CIT: variants seen among roughly 807,000 people sequenced by gnomAD.
The protein encoded by CIT is citron Rho-interacting kinase.
In CIT, 79 loss-of-function variants were observed where a neutral mutation model predicts 272.7. That is an observed-to-expected ratio of 0.29 (90% CI 0.24 to 0.35). The LOEUF is 0.35. CIT is among the 10% of genes least tolerant of loss of function. CIT has a pLI of 1.00. For synonymous variants in CIT, 948 were observed against 995.6 expected (o/e 0.95, Z 0.90); for missense variants, 1,909 against 2,618.3 (o/e 0.73, Z 5.91).
intron 22 of CIT, among the ~76,000 whole-genome samples, chr12:119,753,111 G>A (rs964809019): frequency 6.6e-6 from 1 of 151,748 alleles, no homozygotes; most frequent in Non-Finnish European, 1.5e-5. Flanking sequence ...CACATCTATT[G>A]ACCTGACAAA....
rs765923722 is a variant in CIT at position 119,850,254 on chromosome 12, G to A, written c.436C>T (p.Arg146Trp). 1.4e-5 allele frequency: 22 copies of A among 1,611,970 alleles called. No homozygotes were observed. The highest frequency in any genetic ancestry group is 2.2e-5 in the East Asian group (1 of 44,840). ...QEQVSFFEEE[R>W]NILSRSTSPW... ...CTTGTGCTTCGAGATAATATGTTCCGCTCTTCCTCAAAAAATGAAACCTAG... is the reference window on the plus strand; with the variant it reads ...CTTGTGCTTCGAGATAATATGTTCCACTCTTCCTCAAAAAATGAAACCTAG... The change falls in exon 5 of 48, where the codon CGG becomes TGG. Residue 146 changes from arginine (R) to tryptophan (W), a missense_variant. Physicochemically the swap from Arg to Trp is moderately radical, Grantham distance 101 (BLOSUM62 -3). Around this residue, in one of 8 missense-constraint regions of CIT, gnomAD observed 529 missense variants for 549.6 expected, o/e 0.96. Coordinates refer to ENST00000392521, the MANE Select transcript of CIT (RefSeq NM_001206999.2).
At position 119,718,983 on chromosome 12, in the gene CIT, T is replaced by C; in HGVS notation, c.3841-122A>G. On this transcript the variant is annotated intron_variant, in intron 30 of 47. Coordinates refer to ENST00000392521, the MANE Select transcript of CIT (RefSeq NM_001206999.2). The surrounding 1 kb of genome is among the most constrained non-coding windows in gnomAD (Gnocchi z 4.8). ...CAGGAGCATACTCACTGTAAGTGTA[T>C]TTAGTAAAAATGGCATGTGAAGGGG... The C allele has an allele frequency of 1.0e-6, 1 of 971,174 alleles. No individual in the cohort carries two copies. Among genetic ancestry groups the C allele is most frequent in the Non-Finnish European group, 1.5e-6 (1 of 654,158 alleles). The allele number at this position is 971,174 out of a possible 1,614,324, so 60.2% of individuals were successfully genotyped here.
chr12:119,797,612 ACT>A (rs1207849513), intron 10 of CIT, among the ~76,000 whole-genome samples: 2 of 152,054 alleles, frequency 1.3e-5, no homozygotes, highest in Admixed American at 6.6e-5. Flanking sequence ...AGCAGAGACG[ACT>A]CTGTTATTGC....
intron 5 of CIT, among the ~76,000 whole-genome samples, chr12:119,840,649 G>A (rs955917532): frequency 1.3e-5 from 2 of 152,180 alleles, no homozygotes; most frequent in Admixed American, 1.3e-4. Context: ...GACCAAACAA[G>A]GAATGGTAAT....
chr12:119,809,575 C>T (rs1966783676), intron 9 of CIT, among the ~76,000 whole-genome samples: 1 of 152,184 alleles, frequency 6.6e-6, no homozygotes, highest in Admixed American at 6.5e-5. Flanking sequence ...CTCTCTCTCT[C>T]TGACCTCCTC....
chr12:119,708,498 A>G (rs1209754156), intron 39 of CIT, among the ~76,000 whole-genome samples, 180 bp from the exon 40 acceptor site: 1 of 151,446 alleles, frequency 6.6e-6, no homozygotes, highest in South Asian at 2.1e-4. Context: ...TTTTTTTTAA[A>G]TTTTTGAGAC....
intron 7 of CIT, among the ~76,000 whole-genome samples, chr12:119,831,273 T>G (rs1968609399): frequency 6.6e-6 from 1 of 152,216 alleles, no homozygotes; most frequent in Non-Finnish European, 1.5e-5. Flanking sequence ...TTGTACATAA[T>G]TTTTAAAACA....
At chr12:119,835,299 C>T (rs149556190) in intron 5 of CIT, among the ~76,000 whole-genome samples, 207 of 152,300 alleles carry the variant, frequency 1.4e-3, no homozygotes, top group Non-Finnish European at 2.2e-3. Flanking sequence ...AAGACTAATC[C>T]TCTTGCAGCA....
In CIT at chr12:119,742,462, T is replaced by C; in HGVS notation, c.2907A>G (p.Ala969=). 6.2e-7 allele frequency: 1 copy of C among 1,610,050 alleles called. No individual in the cohort carries two copies. Among genetic ancestry groups the C allele is most frequent in the African/African-American group, 1.3e-5 (1 of 74,882 alleles). Reference sequence around the variant, plus strand: ...ATTTGCGCTGGATTTCATCTCTATGTGCCTAAAAGGTAAGAAGTTGATTAT... The same window carrying C: ...ATTTGCGCTGGATTTCATCTCTATGCGCCTAAAAGGTAAGAAGTTGATTAT... ...EAEEEIQALT[A]HRDEIQRKFD... The change falls in exon 24 of 48, where the codon GCA becomes GCG. Residue 969 remains alanine, a splice_region_variant and synonymous_variant. Coordinates refer to ENST00000392521, the MANE Select transcript of CIT (RefSeq NM_001206999.2).
At chr12:119,691,369 C>G (rs890755857) in intron 46 of CIT, among the ~76,000 whole-genome samples, 2 of 152,130 alleles carry the variant, frequency 1.3e-5, no homozygotes, top group African/African-American at 2.4e-5. Flanking sequence ...CTGTACTGAT[C>G]ACTGTTAACT....
intron 9 of CIT, among the ~76,000 whole-genome samples, chr12:119,807,279 T>A (rs376557936): frequency 1.3e-5 from 2 of 152,208 alleles, no homozygotes; most frequent in Admixed American, 1.3e-4. Flanking sequence ...AATATACATC[T>A]AATGGGGCAC....
intron 9 of CIT, among the ~76,000 whole-genome samples, chr12:119,805,054 T>C (rs1336757758): frequency 1.4e-5 from 2 of 146,538 alleles, no homozygotes; most frequent in East Asian, 4.1e-4. Flanking sequence ...TGGTTTCAAT[T>C]ATCCGGTACC....
chr12:119,780,926 C>G (rs886117220), intron 13 of CIT, among the ~76,000 whole-genome samples: 10 of 152,204 alleles, frequency 6.6e-5, no homozygotes, highest in African/African-American at 2.4e-4. Context: ...AAAGACGTGT[C>G]TTTGAACTCG....
At chr12:119,833,738 A>G (rs1286985114) in intron 6 of CIT, among the ~76,000 whole-genome samples, 2 of 151,898 alleles carry the variant, frequency 1.3e-5, no homozygotes, top group East Asian at 3.9e-4. Context: ...ATGGTCTTAC[A>G]CTACTATGTG....
rs1593465093 is a variant in CIT, at chr12:119,718,591, T to C, written c.4003+108A>G. 6.8e-7 allele frequency: 1 copy of C among 1,475,786 alleles called. No individual in the cohort carries two copies. Among genetic ancestry groups the C allele is most frequent in the East Asian group, 2.3e-5 (1 of 43,920 alleles). The allele number at this position is 1,475,786 out of a possible 1,614,324, so 91.4% of individuals were successfully genotyped here. On this transcript the variant is annotated intron_variant, in intron 31 of 47. Transcript: ENST00000392521. This position sits in a 1 kb window ranked among gnomAD's most constrained non-coding sequence, Gnocchi z 4.8. The stretch of plus-strand genomic sequence containing the variant: ...ATGGGATGTCTGGTCTGAAAGCGTA[T>C]GGGCCATAAACGAAGACACTGAGCT...
At chr12:119,765,379 T>C (rs1302866435) in intron 19 of CIT, among the ~76,000 whole-genome samples, 4 of 145,550 alleles carry the variant, frequency 2.7e-5, no homozygotes, top group Non-Finnish European at 6.0e-5. Flanking sequence ...ATATATAATA[T>C]AATATATATT....
intron 10 of CIT, among the ~76,000 whole-genome samples, chr12:119,794,892 C>G (rs1965608560): frequency 1.3e-5 from 2 of 152,302 alleles, no homozygotes; most frequent in South Asian, 4.1e-4. Flanking sequence ...GCAAACCTAT[C>G]AGATAGGCGA....
intron 10 of CIT, 107 bp from the exon 11 acceptor site, chr12:119,785,172 G>C: frequency 8.3e-7 from 1 of 1,210,254 alleles, no homozygotes; most frequent in Non-Finnish European, 1.2e-6. Context: ...TCATGCTCTT[G>C]ATGTTAGGTC....
intron 32 of CIT, among the ~76,000 whole-genome samples, chr12:119,715,964 G>C (rs1365213619): frequency 6.6e-6 from 1 of 152,182 alleles, no homozygotes; most frequent in Non-Finnish European, 1.5e-5. Flanking sequence ...GTGTGGTGCA[G>C]TATACACAAA....
Sources: allele counts gnomAD v4.1 joint callset (sites outside exome capture counted in the v4.1 genomes callset), GRCh38; gene constraint gnomAD v4.1.1; regional missense constraint gnomAD v4.1.1; non-coding constraint Gnocchi (gnomAD v3.1); transcripts MANE v1.5; gene names NCBI Gene and HGNC (gene_info 2026-07-23, HGNC 2026-07-21).